The following NECTIN2 variants were observed in gnomAD, a reference collection of about 807,000 sequenced individuals.
The protein encoded by NECTIN2 is nectin-2.
A neutral mutation model predicts 56.9 loss-of-function variants in NECTIN2; 23 were observed. The observed-to-expected ratio is 0.40, with a 90% confidence interval of 0.29 to 0.57. NECTIN2 has a LOEUF of 0.57. Ranked by LOEUF, NECTIN2 falls within the 20% of genes least tolerant of loss-of-function variation. NECTIN2 has a pLI of 0.38. For synonymous variants in NECTIN2, 302 were observed against 313.8 expected (o/e 0.96, Z 0.40); for missense variants, 587 against 718.3 (o/e 0.82, Z 2.09).
At chr19:44,868,698 G>C (rs1028172131) in intron 2 of NECTIN2, among the ~76,000 whole-genome samples, 9 of 150,362 alleles carry the variant, frequency 6.0e-5, no homozygotes, top group African/African-American at 2.0e-4. Context: ...CGGATCACGA[G>C]GTCAGGAAAT....
At position 44,874,683 on chromosome 19, in the gene NECTIN2, G is replaced by A; in HGVS notation, c.1042+205G>A. ...GATTTGGGGTGTCGGGGTAGGTGAA[G>A]GCAGCAGAGTTGGGGGGTTGAGGAC... is the stretch of plus-strand genomic sequence containing the variant. On this transcript the variant is annotated intron_variant, in intron 5 of 8. Transcript: ENST00000252483. This position sits in a 1 kb window ranked among gnomAD's most constrained non-coding sequence, Gnocchi z 6.3. The A allele has an allele frequency of 3.3e-6, 2 of 615,206 alleles. No individual in the cohort carries two copies. Among genetic ancestry groups the A allele is most frequent in the Non-Finnish European group, 2.8e-6 (1 of 354,816 alleles). 38.1% of individuals were successfully genotyped at this position (615,206 alleles called of 1,614,324 possible). A position where few individuals can be genotyped will look rare whatever the true frequency, so the allele number is the denominator to read the frequency against.
At position 44,875,629 on chromosome 19, in the gene NECTIN2, G is replaced by A. The variant is rs1478159544; in HGVS notation, c.1042+1151G>A. ...CCATGCAGCACACCTGTGCAAACAC[G>A]CAATGTGCAGGCCCCCCAGAAACAT... On this transcript the variant is annotated intron_variant, in intron 5 of 8. Transcript: ENST00000252483. This position sits in a 1 kb window ranked among gnomAD's most constrained non-coding sequence, Gnocchi z 4.2. 2.0e-5 allele frequency among the ~76,000 whole-genome samples: 3 copies of A among 152,184 alleles called. No homozygotes were observed. Among genetic ancestry groups the A allele is most frequent in the African/African-American group, 4.8e-5 (2 of 41,438 alleles).
chr19:44,884,529 C>T (rs1969339632), intron 6 of NECTIN2, among the ~76,000 whole-genome samples: 1 of 152,218 alleles, frequency 6.6e-6, no homozygotes, highest in Non-Finnish European at 1.5e-5. Context: ...CTGTCTTAAT[C>T]ATCTAGTTAG....
intron 5 of NECTIN2, among the ~76,000 whole-genome samples, chr19:44,877,672 C>T (rs191153017): frequency 6.6e-6 from 1 of 152,352 alleles, no homozygotes; most frequent in East Asian, 1.9e-4. Context: ...CAGCTGTCCT[C>T]CCCCGAGGGG....
chr19:44,857,382 C>T (rs1248316325), intron 1 of NECTIN2, among the ~76,000 whole-genome samples: 1 of 151,932 alleles, frequency 6.6e-6, no homozygotes, highest in Non-Finnish European at 1.5e-5. Context: ...GCTGGGACTA[C>T]AGGCCCTAGC....
At position 44,874,562 on chromosome 19, in the gene NECTIN2, G is replaced by C; in HGVS notation, c.1042+84G>C. On this transcript the variant is annotated intron_variant, in intron 5 of 8. Coordinates refer to ENST00000252483, the MANE Select transcript of NECTIN2 (RefSeq NM_001042724.2). This position sits in a 1 kb window ranked among gnomAD's most constrained non-coding sequence, Gnocchi z 6.3. The stretch of plus-strand genomic sequence containing the variant: ...CCTTCAGGACTTGGGGCTGCACTGG[G>C]GGAGGCTGCGCCGCCGACCTGGGAG... 1 of 1,548,182 alleles carries C rather than the reference G, an allele frequency of 6.5e-7. No individual in the cohort carries two copies. The highest frequency in any genetic ancestry group is 8.8e-7 in the Non-Finnish European group (1 of 1,138,406).
chr19:44,865,296 G>C lies in NECTIN2; in HGVS notation c.114G>C (p.Val38=). 1 of 1,613,168 alleles carries C rather than the reference G, an allele frequency of 6.2e-7. No homozygotes were observed. The highest frequency in any genetic ancestry group is 8.5e-7 in the Non-Finnish European group (1 of 1,179,504). ...GAGCCCAGGATGTGCGAGTTCAAGT[G>C]CTACCCGAGGTGCGAGGCCAGCTCG... ...ETGAQDVRVQ[V]LPEVRGQLGG... Residue 38 remains valine, a synonymous_variant, in exon 2 of 9, where the codon GTG becomes GTC. Coordinates refer to ENST00000252483, the MANE Select transcript of NECTIN2 (RefSeq NM_001042724.2). The surrounding 1 kb of genome is among the most constrained non-coding windows in gnomAD (Gnocchi z 5.2).
At chr19:44,870,437 C>T (rs1166924224) in intron 2 of NECTIN2, among the ~76,000 whole-genome samples, 2 of 151,956 alleles carry the variant, frequency 1.3e-5, no homozygotes, top group African/African-American at 4.8e-5. Context: ...ATACCCAGGT[C>T]CAGAAAGCAA....
intron 2 of NECTIN2, among the ~76,000 whole-genome samples, chr19:44,868,880 C>A (rs994984986): frequency 1.3e-5 from 2 of 151,468 alleles, no homozygotes; most frequent in African/African-American, 4.9e-5. Flanking sequence ...CCACTATACT[C>A]CAGCCTGGGC....
intron 1 of NECTIN2, among the ~76,000 whole-genome samples, chr19:44,848,031 G>C (rs985784368): frequency 1.3e-5 from 2 of 152,164 alleles, no homozygotes; most frequent in Admixed American, 6.6e-5. Context: ...TGGGATGCTA[G>C]AGTTTCCCGA....
chr19:44,854,668 C>G (rs1188165812), intron 1 of NECTIN2, among the ~76,000 whole-genome samples: 1 of 151,756 alleles, frequency 6.6e-6, no homozygotes, highest in African/African-American at 2.4e-5. Flanking sequence ...CAAAAATTAG[C>G]TGGGTATGGT....
rs1423996799 is a variant in NECTIN2, at chr19:44,865,997, A to C, written c.478+337A>C. Among the ~76,000 whole-genome samples the C allele has an allele frequency of 6.6e-6, 1 of 152,116 alleles. No homozygotes were observed. Among genetic ancestry groups the C allele is most frequent in the East Asian group, 1.9e-4 (1 of 5,178 alleles). On this transcript the variant is annotated intron_variant, in intron 2 of 8. Transcript: ENST00000252483. The surrounding 1 kb of genome is among the most constrained non-coding windows in gnomAD (Gnocchi z 5.2). ...AGACCAGCCTGGCCAACATGGTGAA[A>C]CCCTGTCTCTACGAAAAATAAAAAA...
intron 6 of NECTIN2, among the ~76,000 whole-genome samples, chr19:44,885,324 T>TTAA (rs1969348794): frequency 7.6e-6 from 1 of 130,774 alleles, no homozygotes. Context: ...TTTTTTTTTT[T>TTAA]TTTTTAATTT....
At chr19:44,864,475 G>C (rs1208448629) in intron 1 of NECTIN2, among the ~76,000 whole-genome samples, 1 of 151,890 alleles carries the variant, frequency 6.6e-6, no homozygotes, top group Non-Finnish European at 1.5e-5. Flanking sequence ...TTGAAGTCTT[G>C]AGCCACTACC....
intron 1 of NECTIN2, among the ~76,000 whole-genome samples, chr19:44,859,170 G>A (rs910037539): frequency 2.0e-5 from 3 of 152,124 alleles, no homozygotes; most frequent in African/African-American, 7.2e-5. Flanking sequence ...CAGTGGTGTT[G>A]GCCCTCGAAA....
At chr19:44,868,060 A>C (rs1969123058) in intron 2 of NECTIN2, among the ~76,000 whole-genome samples, 1 of 152,086 alleles carries the variant, frequency 6.6e-6, no homozygotes, top group Non-Finnish European at 1.5e-5. Context: ...AGGGGGAAGC[A>C]GGATCAGAGA....
chr19:44,878,161 G>T (rs1034569260), intron 5 of NECTIN2: 4 of 616,920 alleles, frequency 6.5e-6, no homozygotes, highest in South Asian at 5.9e-5. Flanking sequence ...TCCCCAGAGC[G>T]ATCCTCGTGA....
At position 44,874,426 on chromosome 19, in the gene NECTIN2, A is replaced by G. The variant is rs1969213405; in HGVS notation, c.990A>G (p.Thr330=). Residue 330 remains threonine, a synonymous_variant, in exon 5 of 9, where the codon ACA becomes ACG. Coordinates refer to ENST00000252483, the MANE Select transcript of NECTIN2 (RefSeq NM_001042724.2). The surrounding 1 kb of genome is among the most constrained non-coding windows in gnomAD (Gnocchi z 6.3). ...TGTTCAATACCACCTTCGTCTGCAC[A>G]GTCACCAATGCCGTGGGCATGGGCC... ...DSLFNTTFVC[T]VTNAVGMGRA... The G allele has an allele frequency of 6.2e-7, 1 of 1,614,132 alleles. No homozygotes were observed. Among genetic ancestry groups the G allele is most frequent in the South Asian group, 1.1e-5 (1 of 91,082 alleles).
At chr19:44,849,064 G>A (rs1171451185) in intron 1 of NECTIN2, among the ~76,000 whole-genome samples, 1 of 152,156 alleles carries the variant, frequency 6.6e-6, no homozygotes, top group African/African-American at 2.4e-5. Flanking sequence ...GAAGTTGGGG[G>A]GTGGGTATAT....
Sources: gnomAD v4.1 joint callset for allele counts (sites outside exome capture counted in the v4.1 genomes callset) on GRCh38, gnomAD v4.1.1 for gene constraint, Gnocchi (gnomAD v3.1) non-coding constraint, MANE v1.5 for transcripts, NCBI Gene and HGNC (gene_info 2026-07-23, HGNC 2026-07-21) for gene names.